Variants in CNOT10 observed in about 807,000 individuals in gnomAD.
CNOT10 encodes the protein CCR4-NOT transcription complex, subunit 10.
In CNOT10, 30 loss-of-function variants were observed where a neutral mutation model predicts 94.6. The ratio of observed to expected loss-of-function variants is 0.32; its 90% CI spans 0.24 to 0.43. CNOT10 has a LOEUF of 0.43. Ranked by LOEUF, CNOT10 falls within the 20% of genes least tolerant of loss-of-function variation. CNOT10 has a pLI of 1.00. For synonymous variants in CNOT10, 289 were observed against 301.6 expected (o/e 0.96, Z 0.43); for missense variants, 759 against 877.2 (o/e 0.87, Z 1.70).
intron 13 of CNOT10, among the ~76,000 whole-genome samples, chr3:32,756,592 A>G (rs1163708575): frequency 1.3e-5 from 2 of 152,174 alleles, no homozygotes; most frequent in Non-Finnish European, 2.9e-5. Flanking sequence ...TGGGAGCTGG[A>G]AAAGAGTTGG....
At chr3:32,708,856 T>TC in intron 4 of CNOT10, 36 bp downstream of exon 4, 1 of 1,555,820 alleles carries the variant, frequency 6.4e-7, no homozygotes. Flanking sequence ...TTCCCTATCT[T>TC]CCCTATACTT....
In CNOT10 at chr3:32,720,157, G is replaced by C. The variant is rs753511042; in HGVS notation, c.788G>C (p.Arg263Thr). The C allele has an allele frequency of 6.4e-7, 1 of 1,552,792 alleles. No individual in the cohort carries two copies. The highest frequency in any genetic ancestry group is 8.8e-7 in the Non-Finnish European group (1 of 1,136,294). ...CTTAAAAGCAATTTTGAGTACTTAA[G>C]AGGTAATTATCGAAAAGCCGTGAAG... is the stretch of plus-strand genomic sequence containing the variant. Reference protein sequence around the residue: ...LFLKSNFEYLRGNYRKAVKLL... With the variant: ...LFLKSNFEYLTGNYRKAVKLL... The change falls in exon 8 of 19, where the codon AGA becomes ACA. Residue 263 changes from arginine (R) to threonine (T), a missense_variant. This residue lies in a region of CNOT10 where 682 missense variants were observed against 799.4 expected (regional missense o/e 0.85). Transcript: ENST00000328834.
chr3:32,757,779 C>T (rs1412362809), intron 13 of CNOT10, among the ~76,000 whole-genome samples: 1 of 152,126 alleles, frequency 6.6e-6, no homozygotes, highest in Non-Finnish European at 1.5e-5. Flanking sequence ...CATGGGACAA[C>T]CTTGCTGGTA....
In CNOT10 at chr3:32,725,516, A is replaced by G. The variant is rs1575246017; in HGVS notation, c.929A>G (p.Asn310Ser). The change falls in exon 9 of 19, where the codon AAT (asparagine) becomes AGT (serine). Residue 310 changes from asparagine (N) to serine (S), a missense_variant. Transcript: ENST00000328834. ...ATCCATTTTGCCATGAGCAAGCACAATTTGGGAATATTCTACTTTAAAAAG... is the reference window on the plus strand; with the variant it reads ...ATCCATTTTGCCATGAGCAAGCACAGTTTGGGAATATTCTACTTTAAAAAG... ...GCIHFAMSKH[N>S]LGIFYFKKAL... 4.3e-6 allele frequency: 7 copies of G among 1,613,928 alleles called. No individual in the cohort carries two copies. In the South Asian group the frequency reaches 4.4e-5, roughly 10 times the overall value.
At chr3:32,767,510 ACT>A (rs1227004106) in intron 17 of CNOT10, among the ~76,000 whole-genome samples, 1 of 88,550 alleles carries the variant, frequency 1.1e-5, no homozygotes. Context: ...CAAGAGCGAA[ACT>A]CTGTCTCAAA....
chr3:32,691,095 A>G (rs1214610270), intron 1 of CNOT10, among the ~76,000 whole-genome samples: 1 of 146,250 alleles, frequency 6.8e-6, no homozygotes, highest in African/African-American at 2.6e-5. Flanking sequence ...TCCCGAGTTC[A>G]AGCGATTCTC....
chr3:32,742,083 G>A (rs1298219462), intron 13 of CNOT10, among the ~76,000 whole-genome samples: 1 of 151,152 alleles, frequency 6.6e-6, no homozygotes, highest in East Asian at 2.0e-4. Flanking sequence ...AGCCTCCCGA[G>A]TAGCTAGGAC....
chr3:32,714,324 A>T (rs1298675179), intron 5 of CNOT10, among the ~76,000 whole-genome samples: 2 of 151,966 alleles, frequency 1.3e-5, no homozygotes, highest in East Asian at 3.8e-4. Context: ...GAATTGAAAG[A>T]TTGGAATTAA....
intron 13 of CNOT10, among the ~76,000 whole-genome samples, chr3:32,756,997 T>C (rs1450046634): frequency 2.6e-5 from 4 of 151,042 alleles, no homozygotes; most frequent in African/African-American, 9.7e-5. Flanking sequence ...TCCCAGCTAC[T>C]TGGGAGGCTG....
rs555861057 is a variant in CNOT10, at chr3:32,736,204, A to G, written c.1515-1206A>G. 3.9e-5 allele frequency among the ~76,000 whole-genome samples: 6 copies of G among 151,948 alleles called. No individual in the cohort carries two copies. In the East Asian group the frequency reaches 9.7e-4, roughly 25 times the overall value. ...AGGCTCAAGCGATTCTCCTGCCTCA[A>G]CCCCCTAAATAGCTGGGATTATAGG... On this transcript the variant is annotated intron_variant, in intron 12 of 18. Coordinates refer to ENST00000328834, the MANE Select transcript of CNOT10 (RefSeq NM_015442.3).
chr3:32,753,824 T>C (rs1181773644), intron 13 of CNOT10: 2 of 1,566,642 alleles, frequency 1.3e-6, no homozygotes, highest in Non-Finnish European at 1.8e-6. Flanking sequence ...TGGTACAGTT[T>C]TGAGTACCAG....
At position 32,773,792 on chromosome 3, in the gene CNOT10, T is replaced by A; in HGVS notation, c.*181T>A. On this transcript the variant is annotated 3_prime_UTR_variant, in exon 19 of 19. Transcript: ENST00000328834. ...GGATTTACTAAGTCATCATCAGCTG[T>A]TTTTCTTAATTTCAGCCAGACTATT... is the stretch of plus-strand genomic sequence containing the variant. 1 of 545,128 alleles carries A rather than the reference T, an allele frequency of 1.8e-6. No individual in the cohort carries two copies. Among genetic ancestry groups the A allele is most frequent in the Non-Finnish European group, 3.1e-6 (1 of 324,972 alleles). 33.8% of individuals were successfully genotyped at this position (545,128 alleles called of 1,614,324 possible).
chr3:32,726,282 C>T (rs912596555), intron 9 of CNOT10, among the ~76,000 whole-genome samples: 7 of 152,158 alleles, frequency 4.6e-5, no homozygotes, highest in Non-Finnish European at 1.0e-4. Context: ...TGTGATACTA[C>T]TGGCAGCATC....
chr3:32,716,411 C>G, intron 6 of CNOT10, 100 bp downstream of exon 6: 3 of 587,858 alleles, frequency 5.1e-6, no homozygotes, highest in South Asian at 5.4e-5. Context: ...GTCAATAATT[C>G]AAGGTGCATA....
At chr3:32,726,603 G>T (rs1698676152) in intron 9 of CNOT10, among the ~76,000 whole-genome samples, 1 of 151,518 alleles carries the variant, frequency 6.6e-6, no homozygotes, top group Non-Finnish European at 1.5e-5. Flanking sequence ...GACAGAAGCA[G>T]GATAATGGCG....
At chr3:32,768,390 T>A (rs1326164276) in intron 17 of CNOT10, among the ~76,000 whole-genome samples, 1 of 152,118 alleles carries the variant, frequency 6.6e-6, no homozygotes, top group Non-Finnish European at 1.5e-5. Flanking sequence ...AAGACTAGCC[T>A]GGACAACATG....
At chr3:32,730,359 A>G (rs989312928) in intron 10 of CNOT10, among the ~76,000 whole-genome samples, 2 of 152,106 alleles carry the variant, frequency 1.3e-5, no homozygotes, top group African/African-American at 4.8e-5. Flanking sequence ...AGTATTTTCC[A>G]TATTAATATG....
At chr3:32,759,129 TAG>T (rs1700331894) in intron 13 of CNOT10, among the ~76,000 whole-genome samples, 2 of 65,886 alleles carry the variant, frequency 3.0e-5, no homozygotes, top group Admixed American at 2.0e-4. Context: ...TATATATATA[TAG>T]TGTGTGTGTG....
At chr3:32,710,441 AGT>A (rs1485840173) in intron 4 of CNOT10, among the ~76,000 whole-genome samples, 3 of 151,988 alleles carry the variant, frequency 2.0e-5, no homozygotes, top group Admixed American at 6.6e-5. Flanking sequence ...ATCCCTCAAC[AGT>A]GTGGTGCATT....
Sources: allele counts gnomAD v4.1 joint callset (sites outside exome capture counted in the v4.1 genomes callset), GRCh38; gene constraint gnomAD v4.1.1; regional missense constraint gnomAD v4.1.1; transcripts MANE v1.5; gene names NCBI Gene and HGNC (gene_info 2026-07-23, HGNC 2026-07-21).